SF3B3: variants seen among roughly 807,000 people sequenced by gnomAD.
The protein encoded by SF3B3 is SAP 130.
SF3B3 carries 33 observed loss-of-function variants against 139.2 expected under a neutral mutation model. The observed-to-expected ratio is 0.24, with a 90% CI of 0.18 to 0.32. The LOEUF is 0.32. SF3B3 is among the 10% of genes least tolerant of loss of function. The pLI is 1.00. For synonymous variants in SF3B3, 596 were observed against 563.6 expected, an observed-to-expected ratio of 1.06 and a Z score of -0.81; for missense variants, 818 against 1,509.4, an observed-to-expected ratio of 0.54 and a Z score of 7.59.
Position 70,573,771 on chromosome 16 carries a change from CAG to C in SF3B3, c.*1961_*1962del, listed in dbSNP as rs1226547337. ...ATCAGAGGCTGCTGCAGAACTCAGA[CAG>C]AGGGATCTGCCCTTGGGTTTGCTTC... On this transcript the variant is annotated 3_prime_UTR_variant, in exon 26 of 26. Transcript: ENST00000302516. The C allele has an allele frequency of 2.6e-5, 4 of 152,230 alleles. No individual in the cohort carries two copies. The highest frequency in any genetic ancestry group is 1.3e-4 in the Admixed American group (2 of 15,276). 9.4% of individuals were successfully genotyped at this position (152,230 alleles called of 1,614,324 possible).
intron 14 of SF3B3, 139 bp from the exon 15 acceptor site, chr16:70,556,747 C>A: frequency 1.2e-6 from 1 of 821,040 alleles, no homozygotes; most frequent in East Asian, 2.7e-5. Flanking sequence ...TAACTCAGTA[C>A]TCTCTTAGAA....
chr16:70,564,243 A>G (rs530754366), intron 18 of SF3B3, among the ~76,000 whole-genome samples, 193 bp downstream of exon 18: 6 of 152,066 alleles, frequency 3.9e-5, no homozygotes, highest in Non-Finnish European at 5.9e-5. Context: ...GTGTTGGTGC[A>G]CTCCTGTAGT....
In SF3B3 at chr16:70,538,179, G is replaced by T. The variant is rs554053284; in HGVS notation, c.826-144G>T. 2.1e-5 allele frequency: 17 copies of T among 795,072 alleles called. No homozygotes were observed. The East Asian group carries it at 4.2e-4, about 19-fold the overall frequency. 49.3% of individuals were successfully genotyped at this position (795,072 alleles called of 1,614,324 possible). On this transcript the variant is annotated intron_variant, in intron 6 of 25. Transcript: ENST00000302516. The stretch of plus-strand genomic sequence containing the variant: ...GAATTTTGAGCTGTGGGGTTCCAGT[G>T]CTCTGGCTGGCAGGACACTGTGGAT...
intron 24 of SF3B3, 83 bp from the exon 25 acceptor site, chr16:70,571,012 G>A (rs2050523511): frequency 1.1e-6 from 1 of 893,292 alleles, no homozygotes; most frequent in South Asian, 1.3e-5. Context: ...AAAATGAATG[G>A]CTTGTCTGTT....
chr16:70,560,269 C>A (rs1181906079), intron 15 of SF3B3, 200 bp from the exon 16 acceptor site: 2 of 423,368 alleles, frequency 4.7e-6, no homozygotes, highest in African/African-American at 2.0e-5. Context: ...TTAGTAGATG[C>A]TCCATAACTT....
In SF3B3 at chr16:70,536,527, G is replaced by A. The variant is rs563001639; in HGVS notation, c.825+1107G>A. On this transcript the variant is annotated intron_variant, in intron 6 of 25. Coordinates refer to ENST00000302516, the MANE Select transcript of SF3B3 (RefSeq NM_012426.5). ...CTACAGGCGCCCACCACCACGCCCG[G>A]CTAATTTTTTTTTTTTTGTATTTTT... 8.3e-3 allele frequency among the ~76,000 whole-genome samples: 1,251 copies of A among 150,606 alleles called. 3 individuals are homozygous for A. Among genetic ancestry groups the A allele is most frequent in the Non-Finnish European group, 0.012 (817 of 67,926 alleles).
intron 5 of SF3B3, among the ~76,000 whole-genome samples, chr16:70,533,549 C>T (rs1039568157): frequency 2.0e-5 from 3 of 152,006 alleles, no homozygotes; most frequent in Non-Finnish European, 4.4e-5. Flanking sequence ...AGCTAAGTAA[C>T]GTTTTTGGAG....
intron 10 of SF3B3, among the ~76,000 whole-genome samples, chr16:70,545,806 A>G (rs893792887): frequency 3.3e-5 from 5 of 152,250 alleles, no homozygotes; most frequent in African/African-American, 1.2e-4. Flanking sequence ...AGTTGATAAC[A>G]AACAAAGCAC....
At position 70,565,382 on chromosome 16, in the gene SF3B3, G is replaced by C; in HGVS notation, c.2684G>C (p.Arg895Thr). 1 of 1,614,148 alleles carries C rather than the reference G, an allele frequency of 6.2e-7. No homozygotes were observed. The highest frequency in any genetic ancestry group is 1.1e-5 in the South Asian group (1 of 91,076). The change falls in exon 20 of 26, where the codon AGG becomes ACG. Residue 895 changes from arginine (R) to threonine (T), a missense_variant. Physicochemically the swap from Arg to Thr is moderately conservative, Grantham distance 71. Coordinates refer to ENST00000302516, the MANE Select transcript of SF3B3 (RefSeq NM_012426.5). ...TCTGTGTGTAGTGTGGCTGTGTGCA[G>C]GTTTTCCAACACTGGTGAAGACTGG... ...NEAAFSVAVC[R>T]FSNTGEDWYV...
chr16:70,536,807 CTT>C (rs34747226), intron 6 of SF3B3, among the ~76,000 whole-genome samples: 4,639 of 122,642 alleles, frequency 0.038, 279 homozygotes, highest in African/African-American at 0.13. Flanking sequence ...AATTTTCTTT[CTT>C]TTTTTTTTTT....
At chr16:70,545,245 T>A (rs1454501646) in intron 10 of SF3B3, among the ~76,000 whole-genome samples, 2 of 152,118 alleles carry the variant, frequency 1.3e-5, no homozygotes, top group Admixed American at 6.5e-5. Context: ...TTTTGTACTT[T>A]TTGTAGAGAC....
rs550849481 is a variant in SF3B3, at chr16:70,577,490, C to T, written c.*5677C>T. On this transcript the variant is annotated 3_prime_UTR_variant, in exon 26 of 26. Transcript: ENST00000302516. Reference sequence around the variant, plus strand: ...AGAGTGTGTGTGACCTGTGTGGCCACTGCCTTGGGGACGGGTGAGGAGTTA... The same window carrying T: ...AGAGTGTGTGTGACCTGTGTGGCCATTGCCTTGGGGACGGGTGAGGAGTTA... 1.3e-5 allele frequency: 2 copies of T among 152,352 alleles called. No individual in the cohort carries two copies. Among genetic ancestry groups the T allele is most frequent in the African/African-American group, 4.8e-5 (2 of 41,570 alleles). 9.4% of individuals were successfully genotyped at this position (152,352 alleles called of 1,614,324 possible). A position where few individuals can be genotyped will look rare whatever the true frequency, so the allele number is the denominator to read the frequency against.
chr16:70,573,585 T>G lies in SF3B3; in HGVS notation c.*1772T>G, dbSNP rs1238821184. The G allele has an allele frequency of 6.6e-6, 1 of 152,224 alleles. No individual in the cohort carries two copies. The highest frequency in any genetic ancestry group is 1.5e-5 in the Non-Finnish European group (1 of 68,044). The allele number at this position is 152,224 out of a possible 1,614,324, so 9.4% of individuals were successfully genotyped here. A position where few individuals can be genotyped will look rare whatever the true frequency, so the allele number is the denominator to read the frequency against. The stretch of plus-strand genomic sequence containing the variant: ...GGCTTGAATATGTGGAAAGGAATTT[T>G]CATAGTTGTTGCTGCAGGACCTACA... On this transcript the variant is annotated 3_prime_UTR_variant, in exon 26 of 26. Transcript: ENST00000302516.
rs370776900 is a variant in SF3B3 at position 70,541,853 on chromosome 16, C to G, written c.1233+19C>G. The G allele has an allele frequency of 6.2e-7, 1 of 1,605,550 alleles. No individual in the cohort carries two copies. Among genetic ancestry groups the G allele is most frequent in the Non-Finnish European group, 8.5e-7 (1 of 1,174,796 alleles). ...TTGCCAGGTTGGTGGGCCTTTCCAG[C>G]CCCTTCCACAATAGATCTAAAGTTA... On this transcript the variant is annotated intron_variant, in intron 9 of 25. Transcript: ENST00000302516.
At chr16:70,527,755 G>T (rs1410457013) in intron 2 of SF3B3, among the ~76,000 whole-genome samples, 9 of 151,968 alleles carry the variant, frequency 5.9e-5, no homozygotes, top group Non-Finnish European at 8.8e-5. Context: ...TTTTGTTTTT[G>T]TTTTTTGTTT....
At position 70,523,936 on chromosome 16, in the gene SF3B3, A is replaced by T. The variant is rs1300176999; in HGVS notation, c.-71+8A>T. 2.3e-6 allele frequency: 1 copy of T among 437,948 alleles called. No homozygotes were observed. The highest frequency in any genetic ancestry group is 3.4e-5 in the East Asian group (1 of 29,242). The allele number at this position is 437,948 out of a possible 1,614,324, so 27.1% of individuals were successfully genotyped here. On this transcript the variant is annotated splice_region_variant and intron_variant, in intron 1 of 25. Coordinates refer to ENST00000302516, the MANE Select transcript of SF3B3 (RefSeq NM_012426.5). ...CATCCTTCTCGCTGCAGGGTAAAAA[A>T]ACAGCCTGGAGACTTCCCCGGGCCC... is the stretch of plus-strand genomic sequence containing the variant.
Position 70,528,490 on chromosome 16 carries a change from G to A in SF3B3, c.71-383G>A, listed in dbSNP as rs1229484048. ...TTTTTTTTTTTTTTTTTTTTTTTTA[G>A]AGACGATATCTTGCTGCGTTTCCCA... On this transcript the variant is annotated intron_variant, in intron 2 of 25. Transcript: ENST00000302516. 2.4e-4 allele frequency among the ~76,000 whole-genome samples: 23 copies of A among 95,170 alleles called. No homozygotes were observed. The East Asian group carries it at 4.2e-3, about 18-fold the overall frequency. 62.4% of individuals were successfully genotyped at this position (95,170 alleles called of 152,430 possible). A position where few individuals can be genotyped will look rare whatever the true frequency, so the allele number is the denominator to read the frequency against.
At chr16:70,533,865 A>G (rs2050143793) in intron 5 of SF3B3, among the ~76,000 whole-genome samples, 1 of 152,240 alleles carries the variant, frequency 6.6e-6, no homozygotes, top group Non-Finnish European at 1.5e-5. Context: ...GTAACATATT[A>G]CCATACCTTT....
intron 15 of SF3B3, among the ~76,000 whole-genome samples, chr16:70,558,777 A>T (rs571157688): frequency 3.3e-5 from 5 of 151,888 alleles, no homozygotes; most frequent in Non-Finnish European, 7.4e-5. Context: ...TCTTGTTTCT[A>T]GTAGAGATGG....
Sources: allele counts gnomAD v4.1 joint callset (sites outside exome capture counted in the v4.1 genomes callset), GRCh38; gene constraint gnomAD v4.1.1; transcripts MANE v1.5; gene names NCBI Gene and HGNC (gene_info 2026-07-23, HGNC 2026-07-21).